The following RIN2 variants were observed in gnomAD, a reference collection of about 807,000 sequenced individuals.
RIN2 encodes Ras and Rab interactor 2, also known as RAB5 interacting protein 2.
In RIN2, 36 loss-of-function variants were observed where a neutral mutation model predicts 78.0. The ratio of observed to expected loss-of-function variants is 0.46; its 90% CI spans 0.35 to 0.61. The LOEUF is 0.61. Ranked by LOEUF, RIN2 falls within the 20% of genes least tolerant of loss-of-function variation. The pLI, the probability that RIN2 is intolerant of heterozygous loss-of-function variation, is 0.00. For synonymous variants in RIN2, 466 were observed against 466.8 expected (o/e 1.00, Z 0.02); for missense variants, 1,087 against 1,159.7 (o/e 0.94, Z 0.91).
At chr20:19,999,920 A>G (rs1244599945) in intron 12 of RIN2, among the ~76,000 whole-genome samples, 1 of 152,260 alleles carries the variant, frequency 6.6e-6, no homozygotes, top group Non-Finnish European at 1.5e-5. Context: ...AGATTGAACT[A>G]CATGAAATCA....
chr20:19,855,144 G>A (rs2037123721), intron 2 of RIN2, among the ~76,000 whole-genome samples: 1 of 152,032 alleles, frequency 6.6e-6, no homozygotes, highest in African/African-American at 2.4e-5. Flanking sequence ...ATAATCATGT[G>A]GTTTTTGTCT....
rs1238098137 is a variant in RIN2 at position 19,841,644 on chromosome 20, A to C, written c.-37+41897A>C. ...CCACAGCTGAAAATCAGGGAAGGGAACTGGGACCAATGAGAAAAAGCATTT... is the reference window on the plus strand; with the variant it reads ...CCACAGCTGAAAATCAGGGAAGGGACCTGGGACCAATGAGAAAAAGCATTT... On this transcript the variant is annotated intron_variant, in intron 2 of 12. Coordinates refer to ENST00000255006, the MANE Select transcript of RIN2 (RefSeq NM_018993.4). Among the ~76,000 whole-genome samples the C allele has an allele frequency of 2.0e-5, 3 of 152,174 alleles. No homozygotes were observed. In the South Asian group the frequency reaches 6.2e-4, roughly 31 times the overall value.
At position 20,001,156 on chromosome 20, in the gene RIN2, G is replaced by A. The variant is rs1410816601; in HGVS notation, c.*220G>A. The stretch of plus-strand genomic sequence containing the variant: ...GATTCTCTTTTGGCAATGGAGAATT[G>A]CATCTGATGGTTCAAGTGTCCTGAG... On this transcript the variant is annotated 3_prime_UTR_variant, in exon 13 of 13. Coordinates refer to ENST00000255006, the MANE Select transcript of RIN2 (RefSeq NM_018993.4). The A allele has an allele frequency of 3.5e-5, 19 of 542,158 alleles. No individual in the cohort carries two copies. In the East Asian group the frequency reaches 5.3e-4, roughly 15 times the overall value. The allele number at this position is 542,158 out of a possible 1,614,324, so 33.6% of individuals were successfully genotyped here.
intron 11 of RIN2, among the ~76,000 whole-genome samples, chr20:19,993,531 T>C (rs2042861974): frequency 6.6e-6 from 1 of 152,090 alleles, no homozygotes; most frequent in African/African-American, 2.4e-5. Flanking sequence ...TAGTGCTGAC[T>C]CAGGATGGGG....
At position 19,832,202 on chromosome 20, in the gene RIN2, G is replaced by T. The variant is rs1015184870; in HGVS notation, c.-37+32455G>T. Among the ~76,000 whole-genome samples the T allele has an allele frequency of 1.3e-5, 2 of 151,186 alleles. 1 individual carries two copies. Among genetic ancestry groups the T allele is most frequent in the East Asian group, 3.9e-4 (2 of 5,118 alleles). On this transcript the variant is annotated intron_variant, in intron 2 of 12. Coordinates refer to ENST00000255006, the MANE Select transcript of RIN2 (RefSeq NM_018993.4). Reference sequence around the variant, plus strand: ...GGCTGAGCCCAGTGGGGATACTAAGGCAAGCACATTCCCAAGGACGCAGGC... The same window carrying T: ...GGCTGAGCCCAGTGGGGATACTAAGTCAAGCACATTCCCAAGGACGCAGGC...
intron 5 of RIN2, among the ~76,000 whole-genome samples, chr20:19,960,142 T>G (rs1033348270): frequency 6.6e-6 from 1 of 152,230 alleles, no homozygotes; most frequent in Non-Finnish European, 1.5e-5. Context: ...TCTTGCTATA[T>G]CATCTCATTT....
intron 1 of RIN2, among the ~76,000 whole-genome samples, chr20:19,784,232 A>C (rs1160198840): frequency 6.6e-6 from 1 of 152,182 alleles, no homozygotes; most frequent in East Asian, 1.9e-4. Context: ...TTGATGTAGG[A>C]AGTTTGCTTG....
intron 9 of RIN2, among the ~76,000 whole-genome samples, chr20:19,978,212 G>C (rs2042343247): frequency 6.6e-6 from 1 of 152,104 alleles, no homozygotes; most frequent in Non-Finnish European, 1.5e-5. Context: ...GAAGAAGATA[G>C]CTCTGAACTA....
chr20:19,830,159 A>G (rs2036209448), intron 2 of RIN2, among the ~76,000 whole-genome samples: 1 of 152,208 alleles, frequency 6.6e-6, no homozygotes, highest in South Asian at 2.1e-4. Context: ...TGAAATTTGC[A>G]TTTTAAAATA....
In RIN2 at chr20:19,868,029, G is replaced by C. The variant is rs6046385; in HGVS notation, c.-36-21537G>C. 5.3e-3 allele frequency among the ~76,000 whole-genome samples: 809 copies of C among 152,340 alleles called. 6 individuals carry two copies. Among genetic ancestry groups the C allele is most frequent in the African/African-American group, 0.017 (688 of 41,584 alleles). ...GTCATGTCTGGCGTGGGGCATGCTGGTGCACAAAGAGCCGAACCAAGCTCC... is the reference window on the plus strand; with the variant it reads ...GTCATGTCTGGCGTGGGGCATGCTGCTGCACAAAGAGCCGAACCAAGCTCC... On this transcript the variant is annotated intron_variant, in intron 2 of 12. Coordinates refer to ENST00000255006, the MANE Select transcript of RIN2 (RefSeq NM_018993.4).
At chr20:19,783,727 C>T (rs985067442) in intron 1 of RIN2, among the ~76,000 whole-genome samples, 6 of 152,156 alleles carry the variant, frequency 3.9e-5, no homozygotes, top group African/African-American at 1.4e-4. Context: ...CCATGGACAG[C>T]TAGAGCTTAC....
Position 19,936,289 on chromosome 20 carries a change from C to T in RIN2, c.158+1090C>T, listed in dbSNP as rs74355932. 2.7e-4 allele frequency among the ~76,000 whole-genome samples: 41 copies of T among 152,258 alleles called. No individual in the cohort carries two copies. The East Asian group carries it at 6.9e-3, about 26-fold the overall frequency. The stretch of plus-strand genomic sequence containing the variant: ...GCACACCCAGCATTCTATGATTGTT[C>T]TTGACCTCAGTGTGAAAGTCTTATT... On this transcript the variant is annotated intron_variant, in intron 4 of 12. Transcript: ENST00000255006.
intron 2 of RIN2, among the ~76,000 whole-genome samples, chr20:19,886,001 T>C (rs1261031308): frequency 1.0e-5 from 1 of 96,644 alleles, no homozygotes; most frequent in Non-Finnish European, 2.1e-5. Context: ...ACAGTAGAGG[T>C]GGGCGGGGAA....
At chr20:19,982,287 A>C (rs78471184) in intron 9 of RIN2, among the ~76,000 whole-genome samples, 7,260 of 152,262 alleles carry the variant, frequency 0.048, 237 homozygotes, top group Non-Finnish European at 0.073. Context: ...GAGGCTGGGA[A>C]AGGTCATCTT....
intron 1 of RIN2, among the ~76,000 whole-genome samples, chr20:19,787,611 C>A (rs1390534983): frequency 6.6e-6 from 1 of 151,974 alleles, no homozygotes; most frequent in Non-Finnish European, 1.5e-5. Context: ...ATCTCTCATG[C>A]CTTTGTTGCC....
chr20:19,828,477 C>T (rs2036158788), intron 2 of RIN2, among the ~76,000 whole-genome samples: 1 of 152,150 alleles, frequency 6.6e-6, no homozygotes, highest in South Asian at 2.1e-4. Context: ...GAGTCTGCCA[C>T]CTGTCTTTCT....
intron 2 of RIN2, among the ~76,000 whole-genome samples, chr20:19,832,155 A>G (rs575594017): frequency 6.6e-6 from 1 of 151,854 alleles, no homozygotes; most frequent in South Asian, 2.1e-4. Context: ...TCTCTAATCC[A>G]TCACTAAATT....
In RIN2 at chr20:19,759,597, G is replaced by T. The variant is rs533666309; in HGVS notation, c.-163+1270G>T. ...CCTGCTTCATAGGCCGGGTGCAGTG[G>T]CTTATGCCTGTAATCCCAGCACTTA... On this transcript the variant is annotated intron_variant, in intron 1 of 12. Transcript: ENST00000255006. Among the ~76,000 whole-genome samples, 5 of 152,304 alleles carry T rather than the reference G, an allele frequency of 3.3e-5. No homozygotes were observed. In the East Asian group the frequency reaches 5.8e-4, roughly 18 times the overall value.
chr20:19,847,175 C>T (rs1207587345), intron 2 of RIN2, among the ~76,000 whole-genome samples: 4 of 152,146 alleles, frequency 2.6e-5, no homozygotes, highest in Non-Finnish European at 5.9e-5. Context: ...TTGAGGGATG[C>T]TCATTGATTC....
Sources: gnomAD v4.1 joint callset for allele counts (sites outside exome capture counted in the v4.1 genomes callset) on GRCh38, gnomAD v4.1.1 for gene constraint, MANE v1.5 for transcripts, NCBI Gene and HGNC (gene_info 2026-07-23, HGNC 2026-07-21) for gene names.